FAM91A1: variants seen among roughly 807,000 people sequenced by gnomAD.
FAM91A1 encodes the protein family with sequence similarity 91 member A1, also known as protein FAM91A1.
FAM91A1 carries 41 observed loss-of-function variants against 113.5 expected under a neutral mutation model. That is an observed-to-expected ratio of 0.36 (90% CI 0.28 to 0.47). The LOEUF (loss-of-function observed/expected upper bound fraction) is 0.47, where lower values mean the gene tolerates loss of function less well. Among genes scored for constraint, FAM91A1 ranks in the 20% least tolerant of loss-of-function variants. FAM91A1 has a pLI of 1.00. For missense variants in FAM91A1, 696 were observed against 1,001.2 expected (o/e 0.70, Z 4.11); for synonymous variants, 307 against 347.9 (o/e 0.88, Z 1.31).
At position 123,813,518 on chromosome 8, in the gene FAM91A1, A is replaced by G. The variant is rs1017065882; in HGVS notation, c.*814A>G. 3 of 152,478 alleles carry G rather than the reference A, an allele frequency of 2.0e-5. No homozygotes were observed. The highest frequency in any genetic ancestry group is 7.2e-5 in the African/African-American group (3 of 41,422). 9.4% of individuals were successfully genotyped at this position (152,478 alleles called of 1,614,324 possible). On this transcript the variant is annotated 3_prime_UTR_variant, in exon 24 of 24. Transcript: ENST00000334705. ...ACCCTGATTTATTTTTTTGTTTCTT[A>G]GCTTTGATGTTTTCAAACCAAGGAT...
At chr8:123,784,276 G>A (rs1042232285) in intron 8 of FAM91A1, among the ~76,000 whole-genome samples, 194 bp from the exon 9 acceptor site, 1 of 152,064 alleles carries the variant, frequency 6.6e-6, no homozygotes, top group South Asian at 2.1e-4. Context: ...TGTGGATTTC[G>A]TGTCTACCTT....
chr8:123,792,064 G>A (rs1469244489), intron 15 of FAM91A1, among the ~76,000 whole-genome samples: 1 of 150,952 alleles, frequency 6.6e-6, no homozygotes, highest in African/African-American at 2.5e-5. Flanking sequence ...AATCTTAGCT[G>A]CTCGGGAGGC....
intron 15 of FAM91A1, among the ~76,000 whole-genome samples, chr8:123,793,732 A>C (rs995513736): frequency 1.3e-5 from 2 of 152,186 alleles, no homozygotes; most frequent in East Asian, 3.9e-4. Flanking sequence ...GGGGATTGCT[A>C]TTAGAGACCA....
intron 18 of FAM91A1, among the ~76,000 whole-genome samples, chr8:123,803,490 A>T (rs111869283): frequency 5.9e-5 from 9 of 151,990 alleles, no homozygotes; most frequent in African/African-American, 2.2e-4. Context: ...TTTTATAGAG[A>T]CAGGGTTTCA....
At chr8:123,781,843 G>A (rs1192127181) in intron 8 of FAM91A1, among the ~76,000 whole-genome samples, 2 of 152,228 alleles carry the variant, frequency 1.3e-5, no homozygotes, top group Non-Finnish European at 2.9e-5. Context: ...ACTAATTTGC[G>A]TTTGTATAGT....
At chr8:123,798,853 G>C (rs897220993) in intron 16 of FAM91A1, among the ~76,000 whole-genome samples, 6 of 152,190 alleles carry the variant, frequency 3.9e-5, no homozygotes, top group Admixed American at 3.9e-4. Flanking sequence ...TTGTACGCAG[G>C]TAATTTGCCT....
chr8:123,786,091 T>C (rs774292425), intron 11 of FAM91A1: 245 of 320,524 alleles, frequency 7.6e-4, no homozygotes, highest in Non-Finnish European at 1.4e-3. Context: ...AGTGTTGGGA[T>C]TGCAGGTGTG....
rs1815990385 is a variant in FAM91A1 at position 123,812,800 on chromosome 8, A to G, written c.*96A>G. ...CCACTAAAAAGCATCCTGCTGCTGC[A>G]GTGCAATTCTTGCTTAACTAATATT... On this transcript the variant is annotated 3_prime_UTR_variant, in exon 24 of 24. Coordinates refer to ENST00000334705, the MANE Select transcript of FAM91A1 (RefSeq NM_144963.4). The G allele has an allele frequency of 1.9e-6, 2 of 1,047,240 alleles. No individual in the cohort carries two copies. Among genetic ancestry groups the G allele is most frequent in the Middle Eastern group, 3.0e-4 (1 of 3,310 alleles). The allele number at this position is 1,047,240 out of a possible 1,614,324, so 64.9% of individuals were successfully genotyped here.
At position 123,768,765 on chromosome 8, in the gene FAM91A1, C is replaced by T. The variant is rs1477612739; in HGVS notation, c.63C>T (p.Asn21=). 3 of 1,611,626 alleles carry T rather than the reference C, an allele frequency of 1.9e-6. No individual in the cohort carries two copies. The highest frequency in any genetic ancestry group is 1.7e-6 in the Non-Finnish European group (2 of 1,178,860). ...HNYPWNKLPA[N]VRQSLGNSQR... is the part of the protein sequence containing the mutation. The stretch of plus-strand genomic sequence containing the variant: ...ACCCCTGGAACAAGTTGCCGGCCAA[C>T]GTGAGACAGGTACGGCCGGAACCTG... The change falls in exon 1 of 24, where the codon AAC becomes AAT. Residue 21 remains asparagine (N), a synonymous_variant. Transcript: ENST00000334705.
chr8:123,768,842 G>T, intron 1 of FAM91A1, 68 bp downstream of exon 1: 1 of 1,503,726 alleles, frequency 6.7e-7, no homozygotes, highest in Non-Finnish European at 9.1e-7. Context: ...TGCTTGCCTC[G>T]CTCGCGGGGC....
chr8:123,775,623 T>C (rs953927048), intron 3 of FAM91A1, among the ~76,000 whole-genome samples: 2 of 152,154 alleles, frequency 1.3e-5, no homozygotes, highest in East Asian at 1.9e-4. Flanking sequence ...TAAAACGTGA[T>C]TAAGGTTGAA....
intron 8 of FAM91A1, among the ~76,000 whole-genome samples, chr8:123,782,023 A>G (rs563859154): frequency 1.3e-5 from 2 of 152,214 alleles, no homozygotes; most frequent in East Asian, 1.9e-4. Context: ...AGATCCACCT[A>G]TTAATAAAAA....
chr8:123,811,719 G>A (rs1005137858), intron 23 of FAM91A1, among the ~76,000 whole-genome samples: 16 of 152,116 alleles, frequency 1.1e-4, no homozygotes, highest in African/African-American at 3.9e-4. Context: ...AGTATAGAGT[G>A]CATGGGGAAG....
At chr8:123,803,282 AAAAC>A (rs144519907) in intron 18 of FAM91A1, among the ~76,000 whole-genome samples, 115 of 152,060 alleles carry the variant, frequency 7.6e-4, no homozygotes, top group Middle Eastern at 3.4e-3. Flanking sequence ...TATGGATAGA[AAAAC>A]AAATCAGCAG....
intron 23 of FAM91A1, chr8:123,811,080 G>C (rs1483462154): frequency 6.6e-6 from 1 of 152,286 alleles, no homozygotes; most frequent in Non-Finnish European, 1.5e-5. Context: ...ATTTCAATAG[G>C]TGCAGGATAA....
chr8:123,803,257 G>C (rs1178393198), intron 18 of FAM91A1, among the ~76,000 whole-genome samples: 5 of 150,908 alleles, frequency 3.3e-5, no homozygotes, highest in Admixed American at 3.3e-4. Context: ...TTTTTGGATG[G>C]GGGCTAGTGC....
chr8:123,785,984 AT>A, intron 11 of FAM91A1: 2 of 452,202 alleles, frequency 4.4e-6, no homozygotes, highest in Non-Finnish European at 8.5e-6. Flanking sequence ...TGCCCAGCTA[AT>A]TTTTTGTGTT....
rs758808240 is a variant in FAM91A1, at chr8:123,780,540, C to T, written c.701C>T (p.Ala234Val). The T allele has an allele frequency of 1.2e-6, 2 of 1,610,102 alleles. No homozygotes were observed. The highest frequency in any genetic ancestry group is 2.2e-5 in the East Asian group (1 of 44,640). Residue 234 changes from alanine (A) to valine (V), a missense_variant and splice_region_variant, in exon 8 of 24, where the codon GCA (alanine) becomes GTA (valine). By Grantham distance (64) the Ala-to-Val change is moderately conservative (BLOSUM62 0). Transcript: ENST00000334705. Reference protein sequence around the residue: ...DVPISDDSCIAVPPLEGFVMN... With the variant: ...DVPISDDSCIVVPPLEGFVMN... ...CCAATATCTGATGACAGTTGTATAG[C>T]AGGTAAGTCCGTGCTAACATTTTTC... is the stretch of plus-strand genomic sequence containing the variant.
At chr8:123,780,841 T>C (rs1431901963) in intron 8 of FAM91A1, among the ~76,000 whole-genome samples, 2 of 152,202 alleles carry the variant, frequency 1.3e-5, no homozygotes, top group African/African-American at 4.8e-5. Flanking sequence ...TGTAGCTGTT[T>C]TTACATGTGT....
Sources: gnomAD v4.1 joint callset for allele counts (sites outside exome capture counted in the v4.1 genomes callset) on GRCh38, gnomAD v4.1.1 for gene constraint, MANE v1.5 for transcripts, NCBI Gene and HGNC (gene_info 2026-07-23, HGNC 2026-07-21) for gene names.